The following KIN variants were observed in gnomAD, a reference collection of about 807,000 sequenced individuals.
The protein encoded by KIN is DNA/RNA-binding protein KIN17.
KIN carries 47 observed loss-of-function variants against 63.0 expected under a neutral mutation model. The ratio of observed to expected loss-of-function variants is 0.75; its 90% confidence interval spans 0.59 to 0.95. The LOEUF is 0.95. Among genes scored for constraint, KIN ranks in the 40% least tolerant of loss-of-function variants. KIN has a pLI of 0.00. For synonymous variants in KIN, 160 were observed against 157.7 expected, an observed-to-expected ratio of 1.01 and a Z score of -0.11; for missense variants, 408 against 460.9, an observed-to-expected ratio of 0.89 and a Z score of 1.05.
intron 8 of KIN, among the ~76,000 whole-genome samples, chr10:7,767,640 C>G (rs977504340): frequency 1.3e-5 from 2 of 151,984 alleles, no homozygotes; most frequent in Admixed American, 1.3e-4. Context: ...GGTGGATCAC[C>G]TGAGGCCAGG....
Position 7,759,933 on chromosome 10 carries a change from G to T in KIN, c.1076C>A (p.Ser359Tyr). ...GYRGNEGTLESINEKTFSATI... is the reference protein window; with the variant it reads ...GYRGNEGTLEYINEKTFSATI... ...AGCTGAAAAAGTCTTCTCATTGATG[G>T]ATTCTAGGGTACCTTCATTTCCTCT... The change falls in exon 12 of 13, where the codon TCC becomes TAC. Residue 359 changes from serine to tyrosine, a missense_variant. Around this residue, in one of 2 missense-constraint regions of KIN, gnomAD observed 298 missense variants for 296.0 expected, o/e 1.01. Transcript: ENST00000379562. The T allele has an allele frequency of 1.9e-6, 3 of 1,577,280 alleles. No homozygotes were observed. Among genetic ancestry groups the T allele is most frequent in the Non-Finnish European group, 2.6e-6 (3 of 1,159,170 alleles).
intron 4 of KIN, 124 bp downstream of exon 4, chr10:7,779,932 C>T: frequency 1.2e-6 from 1 of 853,158 alleles, no homozygotes; most frequent in Non-Finnish European, 1.8e-6. Flanking sequence ...AAAATGGAAT[C>T]AACTAACACG....
In KIN at chr10:7,783,181, A is replaced by T; in HGVS notation, c.115-6T>A. 1 of 1,538,240 alleles carries T rather than the reference A, an allele frequency of 6.5e-7. No individual in the cohort carries two copies. The highest frequency in any genetic ancestry group is 8.8e-7 in the Non-Finnish European group (1 of 1,131,604). On this transcript the variant is annotated splice_polypyrimidine_tract_variant and splice_region_variant and intron_variant, in intron 1 of 12. Transcript: ENST00000379562. The stretch of plus-strand genomic sequence containing the variant: ...CAATGACACTTAAAGCCATTCTACA[A>T]AAAATGTAAAAGCAATAAATTCTGA...
intron 9 of KIN, among the ~76,000 whole-genome samples, chr10:7,764,584 G>C (rs1835501767): frequency 6.6e-6 from 1 of 152,200 alleles, no homozygotes; most frequent in Non-Finnish European, 1.5e-5. Context: ...CAAAACTTTA[G>C]GAAGGACTTT....
intron 2 of KIN, among the ~76,000 whole-genome samples, chr10:7,780,540 G>A (rs533361816): frequency 6.6e-6 from 1 of 152,100 alleles, no homozygotes; most frequent in African/African-American, 2.4e-5. Context: ...GATTACAGGG[G>A]TCCACCACCA....
rs79427593 is a variant in KIN, at chr10:7,754,874, G to A, written c.*1206C>T. ...ATCCCTTCGTTTTTCCTTTGGCACA[G>A]GCAAATGTGGGTTTCCTGTCTTTTG... On this transcript the variant is annotated 3_prime_UTR_variant, in exon 13 of 13. Coordinates refer to ENST00000379562, the MANE Select transcript of KIN (RefSeq NM_012311.4). 2.6e-5 allele frequency: 4 copies of A among 152,164 alleles called. No homozygotes were observed. The highest frequency in any genetic ancestry group is 2.6e-4 in the Admixed American group (4 of 15,276). 9.4% of individuals were successfully genotyped at this position (152,164 alleles called of 1,614,324 possible).
chr10:7,767,385 C>T (rs953160051), intron 8 of KIN, among the ~76,000 whole-genome samples: 3 of 152,192 alleles, frequency 2.0e-5, no homozygotes, highest in Non-Finnish European at 2.9e-5. Context: ...ACAGCTCTGA[C>T]GTTAGAATGA....
Position 7,751,889 on chromosome 10 carries a change from G to A in KIN, c.*4191C>T. 2 of 1,808 alleles carry A rather than the reference G, an allele frequency of 1.1e-3. 1 individual carries two copies. Among genetic ancestry groups the A allele is most frequent in the Admixed American group, 0.018 (2 of 110 alleles). The allele number at this position is 1,808 out of a possible 1,614,324, so 0.1% of individuals were successfully genotyped here. ...GATGTACTAAAAATACAAAAAATTAGCCGGGCGCGGTGGCGGGCGCCTGTA... is the reference window on the plus strand; with the variant it reads ...GATGTACTAAAAATACAAAAAATTAACCGGGCGCGGTGGCGGGCGCCTGTA... On this transcript the variant is annotated 3_prime_UTR_variant, in exon 13 of 13. Transcript: ENST00000379562.
intron 8 of KIN, among the ~76,000 whole-genome samples, chr10:7,767,865 C>CA (rs59238687): frequency 0.1 from 7,025 of 68,568 alleles, 807 homozygotes; most frequent in African/African-American, 0.3. Context: ...GACTCCGTCT[C>CA]AAAAAAAAAA....
Position 7,787,881 on chromosome 10 carries a change from G to C in KIN, c.53C>G (p.Ser18Cys), listed in dbSNP as rs267602587. 1 of 1,614,232 alleles carries C rather than the reference G, an allele frequency of 6.2e-7. No homozygotes were observed. Among genetic ancestry groups the C allele is most frequent in the Non-Finnish European group, 8.5e-7 (1 of 1,180,036 alleles). Residue 18 changes from serine to cysteine, a missense_variant, in exon 1 of 13, where the codon TCC becomes TGC. By Grantham distance (112) the Ser-to-Cys change is moderately radical. Coordinates refer to ENST00000379562, the MANE Select transcript of KIN (RefSeq NM_012311.4). ...TPKAIANRIKSKGLQKLRWYC... is the reference protein window; with the variant it reads ...TPKAIANRIKCKGLQKLRWYC... The stretch of plus-strand genomic sequence containing the variant: ...CCAGCGTAGCTTCTGCAGCCCCTTG[G>C]ACTTGATCCTGTTGGCGATAGCCTT...
At chr10:7,767,994 T>C (rs564724352) in intron 8 of KIN, among the ~76,000 whole-genome samples, 21 of 152,304 alleles carry the variant, frequency 1.4e-4, no homozygotes, top group African/African-American at 5.1e-4. Context: ...ATTTACTCTT[T>C]CTCCTCTATC....
chr10:7,783,072 G>A lies in KIN; in HGVS notation c.209+9C>T, dbSNP rs1455755962. On this transcript the variant is annotated intron_variant, in intron 2 of 12. Transcript: ENST00000379562. ...GCCTATAAGATAAAGAGTTCTTTGA[G>A]TTACTTACTCTGAAAAATAATCCAT... The A allele has an allele frequency of 1.3e-6, 2 of 1,487,876 alleles. No homozygotes were observed. The highest frequency in any genetic ancestry group is 1.2e-5 in the South Asian group (1 of 83,176). The allele number at this position is 1,487,876 out of a possible 1,614,324, so 92.2% of individuals were successfully genotyped here. A position where few individuals can be genotyped will look rare whatever the true frequency, so the allele number is the denominator to read the frequency against.
intron 12 of KIN, among the ~76,000 whole-genome samples, chr10:7,757,717 A>G (rs12355433): frequency 0.21 from 32,585 of 151,960 alleles, 3,850 homozygotes; most frequent in East Asian, 0.41. Context: ...GTTCCCAGAT[A>G]AAGTATAACC....
chr10:7,774,809 A>G (rs769070165), intron 7 of KIN, 22 bp downstream of exon 7: 1 of 1,572,548 alleles, frequency 6.4e-7, no homozygotes, highest in Admixed American at 1.7e-5. Flanking sequence ...GTTTTAAGAT[A>G]TCCGTGAATG....
At chr10:7,766,007 C>A (rs548525997) in intron 9 of KIN, 46 bp downstream of exon 9, 2 of 1,403,460 alleles carry the variant, frequency 1.4e-6, no homozygotes, top group Admixed American at 1.9e-5. Context: ...AAATCATTCA[C>A]TTAAACATAC....
intron 1 of KIN, among the ~76,000 whole-genome samples, chr10:7,784,157 C>G (rs775648074): frequency 4.6e-5 from 7 of 152,054 alleles, no homozygotes; most frequent in Non-Finnish European, 1.0e-4. Context: ...TTACTAAATC[C>G]TAGAAACCCA....
At chr10:7,762,615 G>T in intron 10 of KIN, 59 bp from the exon 11 acceptor site, 1 of 880,534 alleles carries the variant, frequency 1.1e-6, no homozygotes, top group South Asian at 1.6e-5. Context: ...TCATTTAAAA[G>T]GTCAAAAGCA....
intron 11 of KIN, among the ~76,000 whole-genome samples, chr10:7,761,658 T>G (rs550273461): frequency 3.1e-4 from 47 of 152,266 alleles, no homozygotes; most frequent in African/African-American, 1.1e-3. Context: ...CAAAATTATT[T>G]AAAATATTGT....
intron 5 of KIN, among the ~76,000 whole-genome samples, chr10:7,777,772 G>A (rs539818178): frequency 3.1e-4 from 47 of 152,218 alleles, no homozygotes; most frequent in African/African-American, 1.1e-3. Flanking sequence ...GGTGGCTTGT[G>A]CCTGTAGTCC....
Sources: gnomAD v4.1 joint callset for allele counts (sites outside exome capture counted in the v4.1 genomes callset) on GRCh38, gnomAD v4.1.1 for gene constraint, gnomAD v4.1.1 regional missense constraint, MANE v1.5 for transcripts, NCBI Gene and HGNC (gene_info 2026-07-23, HGNC 2026-07-21) for gene names.